The following ELFN1 variants were observed in gnomAD, a reference collection of about 807,000 sequenced individuals.
ELFN1 encodes extracellular leucine rich repeat and fibronectin type III domain containing 1, also known as protein ELFN1.
A neutral mutation model predicts 7.6 loss-of-function variants in ELFN1; 6 were observed. That is an observed-to-expected ratio of 0.79 (90% CI 0.43 to 1.56). The LOEUF (loss-of-function observed/expected upper bound fraction) is 1.56, where lower values mean the gene tolerates loss of function less well. ELFN1 is among the 40% of genes most tolerant of loss of function. The pLI, the probability that ELFN1 is intolerant of heterozygous loss-of-function variation, is 0.01. For synonymous variants in ELFN1, 657 were observed against 588.1 expected (o/e 1.12, Z -1.70); for missense variants, 1,169 against 1,232.2 (o/e 0.95, Z 0.77).
chr7:1,742,305 A>G (rs998165102), intron 3 of ELFN1: 1 of 152,270 alleles, frequency 6.6e-6, no homozygotes, highest in African/African-American at 2.4e-5. Flanking sequence ...GCCGCTGGCC[A>G]GACCCGCCCT....
At chr7:1,670,253 T>G (rs1196147114), upstream of ELFN1, among the ~76,000 whole-genome samples, 1 of 150,152 alleles carries the variant, frequency 6.7e-6, no homozygotes. This position sits in a 1 kb window ranked among gnomAD's most constrained non-coding sequence, Gnocchi z 6.4. Context: ...CGCAGATCGA[T>G]GGGCGAAGCT....
chr7:1,692,040 G>A (rs1779176716), intron 2 of ELFN1: 1 of 152,282 alleles, frequency 6.6e-6, no homozygotes, highest in African/African-American at 2.4e-5. Flanking sequence ...CACGATGGCT[G>A]GTGGGCGGGG....
At chr7:1,723,019 A>T (rs1780070325) in intron 3 of ELFN1, among the ~76,000 whole-genome samples, 1 of 152,144 alleles carries the variant, frequency 6.6e-6, no homozygotes, top group Non-Finnish European at 1.5e-5. Context: ...ACATGGTGAA[A>T]CCCCATCTCT....
chr7:1,695,757 A>C lies in ELFN1; in HGVS notation c.-456+7607A>C, dbSNP rs1437499615. 6.6e-6 allele frequency among the ~76,000 whole-genome samples: 1 copy of C among 151,280 alleles called. No homozygotes were observed. Among genetic ancestry groups the C allele is most frequent in the Non-Finnish European group, 1.5e-5 (1 of 67,772 alleles). Reference sequence around the variant, plus strand: ...AGCGAGACTCCGTGTCAAAAAAAAAAAAAAAAAAAAAAAAACCGTGCTGGT... The same window carrying C: ...AGCGAGACTCCGTGTCAAAAAAAAACAAAAAAAAAAAAAAACCGTGCTGGT... On this transcript the variant is annotated intron_variant, in intron 2 of 3. Coordinates refer to ENST00000424383, the MANE Select transcript of ELFN1 (RefSeq NM_001128636.4). This position sits in a 1 kb window ranked among gnomAD's most constrained non-coding sequence, Gnocchi z 5.1.
intron 1 of ELFN1, among the ~76,000 whole-genome samples, chr7:1,679,203 G>T (rs752889048): frequency 2.0e-5 from 3 of 151,978 alleles, no homozygotes; most frequent in Non-Finnish European, 4.4e-5. Context: ...ACACAACTGC[G>T]CATGGCTCCC....
At chr7:1,698,522 A>C (rs939291996) in intron 2 of ELFN1, among the ~76,000 whole-genome samples, 2 of 152,180 alleles carry the variant, frequency 1.3e-5, no homozygotes, top group African/African-American at 4.8e-5. Context: ...CCTGAATCAC[A>C]AAGTCCTAAT....
At chr7:1,724,822 C>T (rs1182550491) in intron 3 of ELFN1, among the ~76,000 whole-genome samples, 1 of 152,196 alleles carries the variant, frequency 6.6e-6, no homozygotes, top group Admixed American at 6.5e-5. Flanking sequence ...ACCTGTGCCT[C>T]ACACCCACCT....
chr7:1,704,549 C>T (rs899103332), intron 2 of ELFN1, among the ~76,000 whole-genome samples: 8 of 152,170 alleles, frequency 5.3e-5, no homozygotes, highest in Non-Finnish European at 1.0e-4. Flanking sequence ...GGTCTCGACT[C>T]CTCCCCACCC....
In ELFN1 at chr7:1,715,821, T is replaced by G. The variant is rs114905688; in HGVS notation, c.-294+6569T>G. Among the ~76,000 whole-genome samples the G allele has an allele frequency of 2.0e-5, 3 of 152,252 alleles. No individual in the cohort carries two copies. The East Asian group carries it at 5.8e-4, about 29-fold the overall frequency. On this transcript the variant is annotated intron_variant, in intron 3 of 3. Transcript: ENST00000424383. ...CCTCCTCCCCCTGGGTCAGGGCTCC[T>G]GAAGGCTGCCTCCGGCCCCAGTTTG...
intron 2 of ELFN1, chr7:1,693,701 T>C (rs1269148824): frequency 8.5e-6 from 4 of 470,758 alleles, no homozygotes; most frequent in South Asian, 3.1e-5. Flanking sequence ...TACAGACAGC[T>C]GTGTGCGCCA....
At chr7:1,694,224 A>T (rs1779249062) in intron 2 of ELFN1, 1 of 200,064 alleles carries the variant, frequency 5.0e-6, no homozygotes, top group South Asian at 1.1e-4. Context: ...CAGGCTTGGG[A>T]GGCCGGTGCC....
rs1020552175 is a variant in ELFN1, at chr7:1,746,408, G to A, written c.1812G>A (p.Pro604=). 10 of 1,535,304 alleles carry A rather than the reference G, an allele frequency of 6.5e-6. No homozygotes were observed. The highest frequency in any genetic ancestry group is 2.1e-4 in the Middle Eastern group (1 of 4,754). ...AEPPLVLLSE[P]LAAKHGFLAP... is the part of the protein sequence containing the mutation. ...CGCCGCTGGTGCTGCTGTCCGAGCC[G>A]CTGGCCGCCAAGCACGGCTTCCTGG... Residue 604 remains proline, a synonymous_variant, in exon 4 of 4, where the codon CCG becomes CCA. Coordinates refer to ENST00000424383, the MANE Select transcript of ELFN1 (RefSeq NM_001128636.4).
chr7:1,737,054 C>T (rs958726384), intron 3 of ELFN1, among the ~76,000 whole-genome samples: 8 of 152,132 alleles, frequency 5.3e-5, no homozygotes, highest in African/African-American at 1.9e-4. Context: ...CTGCCTGTGC[C>T]CTGGACACCC....
At chr7:1,702,924 G>T (rs2128584974) in intron 2 of ELFN1, among the ~76,000 whole-genome samples, 1 of 145,842 alleles carries the variant, frequency 6.9e-6, no homozygotes, top group Non-Finnish European at 1.5e-5. Context: ...CTGCACCGTG[G>T]TGTGATATGC....
chr7:1,731,683 G>A (rs1019589926), intron 3 of ELFN1, among the ~76,000 whole-genome samples: 1 of 152,160 alleles, frequency 6.6e-6, no homozygotes, highest in Non-Finnish European at 1.5e-5. Context: ...ACGGAGTCTC[G>A]CTCTGTCGCC....
At chr7:1,672,935 G>C (rs891428277) in intron 1 of ELFN1, among the ~76,000 whole-genome samples, 6 of 152,008 alleles carry the variant, frequency 3.9e-5, no homozygotes, top group Admixed American at 2.0e-4. Flanking sequence ...GTGGCGGGGC[G>C]GGGGGCAGGA....
chr7:1,693,608 G>A, intron 2 of ELFN1: 1 of 471,222 alleles, frequency 2.1e-6, no homozygotes, highest in African/African-American at 2.0e-5. Flanking sequence ...GTACACCGCT[G>A]TGTGAACACC....
At chr7:1,701,283 T>C (rs1032466205) in intron 2 of ELFN1, among the ~76,000 whole-genome samples, 9 of 152,114 alleles carry the variant, frequency 5.9e-5, no homozygotes, top group Admixed American at 2.0e-4. Flanking sequence ...CCTCCCTGGC[T>C]CAAATGATCC....
chr7:1,671,350 C>A (rs1477170125), intron 1 of ELFN1, among the ~76,000 whole-genome samples: 1 of 152,228 alleles, frequency 6.6e-6, no homozygotes, highest in Non-Finnish European at 1.5e-5. Flanking sequence ...CGAGGCCGGC[C>A]GAGCCAGGTG....
Sources: allele counts gnomAD v4.1 joint callset (sites outside exome capture counted in the v4.1 genomes callset), GRCh38; gene constraint gnomAD v4.1.1; non-coding constraint Gnocchi (gnomAD v3.1); transcripts MANE v1.5; gene names NCBI Gene and HGNC (gene_info 2026-07-23, HGNC 2026-07-21).